Variants in SUPT3H observed in about 807,000 individuals in gnomAD.
SUPT3H encodes the protein SPT3 homolog, SAGA and STAGA complex component, also known as transcription initiation protein SPT3 homolog.
In SUPT3H, 44 loss-of-function variants were observed where a neutral mutation model predicts 44.3. The ratio of observed to expected loss-of-function variants is 0.99; its 90% confidence interval spans 0.78 to 1.28. The LOEUF (loss-of-function observed/expected upper bound fraction) is 1.28. Among genes scored for constraint, SUPT3H ranks in the 50% most tolerant of loss-of-function variants. The pLI is 0.00. For missense variants in SUPT3H, 380 were observed against 387.1 expected (o/e 0.98, Z 0.15); for synonymous variants, 124 against 125.6 (o/e 0.99, Z 0.09).
At chr6:45,316,880 G>A (rs1021248930) in intron 2 of SUPT3H, among the ~76,000 whole-genome samples, 1 of 152,116 alleles carries the variant, frequency 6.6e-6, no homozygotes, top group African/African-American at 2.4e-5. Flanking sequence ...AATGGAAGAA[G>A]ACACAATTAA....
At chr6:45,295,548 A>AAAAAAAAAAAAAAAAAAAAAAAAC (rs1554330142) in intron 2 of SUPT3H, among the ~76,000 whole-genome samples, 3 of 90,218 alleles carry the variant, frequency 3.3e-5, no homozygotes, top group Non-Finnish European at 6.6e-5. Context: ...AAAAAAAAAA[A>AAAAAAAAAAAAAAAAAAAAAAAAC]AAAAAACAGC....
chr6:45,196,483 T>C (rs1469184890), intron 2 of SUPT3H, among the ~76,000 whole-genome samples: 2 of 151,980 alleles, frequency 1.3e-5, no homozygotes, highest in Non-Finnish European at 2.9e-5. Context: ...ACCAGCTGGG[T>C]GGTATTTTTG....
intron 2 of SUPT3H, among the ~76,000 whole-genome samples, chr6:45,268,326 A>C (rs1775580042): frequency 6.6e-6 from 1 of 152,214 alleles, no homozygotes; most frequent in African/African-American, 2.4e-5. Context: ...AATGCCATCA[A>C]ACTTGAATGT....
chr6:45,142,161 G>A (rs567362440), intron 2 of SUPT3H, among the ~76,000 whole-genome samples: 39 of 152,194 alleles, frequency 2.6e-4, no homozygotes, highest in African/African-American at 9.4e-4. Flanking sequence ...CTTCATAAAC[G>A]AGAGAAAGAT....
At chr6:45,281,981 C>A (rs974390525) in intron 2 of SUPT3H, among the ~76,000 whole-genome samples, 23 of 152,164 alleles carry the variant, frequency 1.5e-4, no homozygotes, top group Non-Finnish European at 1.0e-4. Context: ...CAAACAGGGT[C>A]TAGAGTGGAC....
chr6:44,978,494 A>G (rs572498277), intron 6 of SUPT3H, among the ~76,000 whole-genome samples: 1 of 152,226 alleles, frequency 6.6e-6, no homozygotes, highest in African/African-American at 2.4e-5. Context: ...AGTATACTAC[A>G]AACAGTTTGG....
At chr6:45,293,784 C>T (rs72858601) in intron 2 of SUPT3H, among the ~76,000 whole-genome samples, 2,737 of 152,080 alleles carry the variant, frequency 0.018, 43 homozygotes, top group South Asian at 0.044. Context: ...TAGCTTAAAT[C>T]AGGATAAATT....
chr6:45,209,602 T>C (rs1763761309), intron 2 of SUPT3H, among the ~76,000 whole-genome samples: 1 of 152,208 alleles, frequency 6.6e-6, no homozygotes, highest in African/African-American at 2.4e-5. Context: ...TTCTTATGGA[T>C]GAGCAAAGAA....
In SUPT3H at chr6:45,175,012, TAAAAAAA is replaced by T. The variant is rs57838175; in HGVS notation, c.102-69013_102-69007del. Among the ~76,000 whole-genome samples the T allele has an allele frequency of 6.4e-5, 4 of 62,528 alleles. No individual in the cohort carries two copies. The East Asian group carries it at 2.0e-3, about 32-fold the overall frequency. 41.0% of individuals were successfully genotyped at this position (62,528 alleles called of 152,430 possible). A position where few individuals can be genotyped will look rare whatever the true frequency, so the allele number is the denominator to read the frequency against. ...GGGCAACATAGTGAGCCCTCGTCAC[TAAAAAAA>T]AAAAAAAAAAAAAAAAAAAAATTAA... On this transcript the variant is annotated intron_variant, in intron 2 of 10. Transcript: ENST00000371459.
intron 2 of SUPT3H, among the ~76,000 whole-genome samples, chr6:45,264,060 C>T (rs767248753): frequency 2.6e-5 from 4 of 152,086 alleles, no homozygotes; most frequent in Non-Finnish European, 5.9e-5. Context: ...AAAAAAATTA[C>T]TTGTTTCATT....
At chr6:44,963,704 AC>A (rs1438036631) in intron 6 of SUPT3H, among the ~76,000 whole-genome samples, 1 of 152,184 alleles carries the variant, frequency 6.6e-6, no homozygotes, top group East Asian at 1.9e-4. Flanking sequence ...TTTGAACATT[AC>A]AAAAAAAGTT....
At chr6:45,280,476 C>A (rs1335662458) in intron 2 of SUPT3H, among the ~76,000 whole-genome samples, 1 of 151,862 alleles carries the variant, frequency 6.6e-6, no homozygotes, top group African/African-American at 2.4e-5. Context: ...ACTGCAAAAT[C>A]TCAAAAATAA....
chr6:45,222,693 G>T (rs112003112), intron 2 of SUPT3H, among the ~76,000 whole-genome samples: 1 of 152,016 alleles, frequency 6.6e-6, no homozygotes, highest in Non-Finnish European at 1.5e-5. Flanking sequence ...ATGCTCTTGG[G>T]CATTTATTCC....
intron 3 of SUPT3H, among the ~76,000 whole-genome samples, chr6:45,087,517 A>G (rs1796621871): frequency 6.6e-6 from 1 of 151,884 alleles, no homozygotes; most frequent in Non-Finnish European, 1.5e-5. Context: ...TTGAGGGTAA[A>G]TGCTTTTAAA....
intron 8 of SUPT3H, among the ~76,000 whole-genome samples, chr6:44,954,225 T>C (rs625782): frequency 0.97 from 147,861 of 152,336 alleles, 71,785 homozygotes; most frequent in East Asian, 1. Flanking sequence ...CAGATGTGGA[T>C]TTGAGTTCAA....
chr6:45,045,486 T>C (rs1426905496), intron 3 of SUPT3H, among the ~76,000 whole-genome samples: 1 of 152,214 alleles, frequency 6.6e-6, no homozygotes, highest in Non-Finnish European at 1.5e-5. Flanking sequence ...TTGTGATTTT[T>C]GCACATTGAT....
intron 2 of SUPT3H, among the ~76,000 whole-genome samples, chr6:45,160,920 T>G (rs537363079): frequency 5.3e-4 from 81 of 152,150 alleles, no homozygotes; most frequent in Non-Finnish European, 9.0e-4. Context: ...AGATAAAATC[T>G]GCAGTGTTGG....
At chr6:45,328,770 A>C in intron 2 of SUPT3H, 2 of 1,612,176 alleles carry the variant, frequency 1.2e-6, no homozygotes, top group Non-Finnish European at 1.7e-6. Flanking sequence ...CCATGTCAGC[A>C]AAACTTCTTT....
chr6:45,268,939 CT>C (rs1775689849), intron 2 of SUPT3H, among the ~76,000 whole-genome samples: 1 of 152,048 alleles, frequency 6.6e-6, no homozygotes, highest in Non-Finnish European at 1.5e-5. Flanking sequence ...GAAAATGTAA[CT>C]TTTTTCCTGT....
Sources: gnomAD v4.1 joint callset for allele counts (sites outside exome capture counted in the v4.1 genomes callset) on GRCh38, gnomAD v4.1.1 for gene constraint, MANE v1.5 for transcripts, NCBI Gene and HGNC (gene_info 2026-07-23, HGNC 2026-07-21) for gene names.